Variants in TNRC6A observed in about 807,000 individuals in gnomAD.
TNRC6A encodes the protein trinucleotide repeat containing adaptor 6A.
TNRC6A carries 44 observed loss-of-function variants against 221.2 expected under a neutral mutation model. That is an observed-to-expected ratio of 0.20 (90% confidence interval 0.16 to 0.26). TNRC6A has a LOEUF of 0.26. TNRC6A is among the 10% of genes least tolerant of loss of function. The pLI, the probability that TNRC6A is intolerant of heterozygous loss-of-function variation, is 1.00. For missense variants in TNRC6A, 2,199 were observed against 2,404.4 expected (o/e 0.91, Z 1.79); for synonymous variants, 847 against 838.5 (o/e 1.01, Z -0.18).
upstream of TNRC6A, chr16:24,729,558 A>T (rs552767538): frequency 9.7e-5 from 37 of 382,844 alleles, 1 homozygote; most frequent in African/African-American, 3.2e-4. Context: ...GTTGCCAAGG[A>T]CCTGCCCAAT....
At chr16:24,755,943 T>A (rs1010345694) in intron 3 of TNRC6A, among the ~76,000 whole-genome samples, 27 of 152,204 alleles carry the variant, frequency 1.8e-4, no homozygotes, top group African/African-American at 6.0e-4. Flanking sequence ...AAAAAATCTT[T>A]CACATTTTAT....
rs746822597 is a variant in TNRC6A, at chr16:24,793,587, C to T, written c.3290C>T (p.Ala1097Val). Residue 1097 changes from alanine (A) to valine (V), a missense_variant, in exon 7 of 25, where the codon GCG (alanine) becomes GTG (valine). Ala to Val is a moderately conservative substitution (Grantham distance 64). Transcript: ENST00000395799. ...CCCAGCTGGGGGGAACCCATTGCTG[C>T]GGCATCCAGCACATCCACGTGGGGC... ...SGPSWGEPIA[A>V]ASSTSTWGSS... The T allele has an allele frequency of 6.1e-5, 96 of 1,562,954 alleles. No homozygotes were observed. The highest frequency in any genetic ancestry group is 7.8e-5 in the Non-Finnish European group (90 of 1,153,436).
chr16:24,793,688 G>GTGGC (rs1013590164), intron 7 of TNRC6A, 39 bp downstream of exon 7: 2 of 1,351,644 alleles, frequency 1.5e-6, no homozygotes, highest in African/African-American at 3.0e-5. Context: ...TTATGTAGCA[G>GTGGC]TGGCGAACAC....
chr16:24,813,000 C>T (rs918327702), intron 18 of TNRC6A, among the ~76,000 whole-genome samples: 80 of 151,228 alleles, frequency 5.3e-4, no homozygotes, highest in Non-Finnish European at 2.9e-5. Context: ...CTCAGCCTCC[C>T]GAGCAGCTGG....
intron 3 of TNRC6A, among the ~76,000 whole-genome samples, chr16:24,751,739 C>T (rs1255147656): frequency 1.3e-5 from 2 of 152,020 alleles, no homozygotes; most frequent in African/African-American, 4.8e-5. Context: ...TGGATGTAGA[C>T]TATAGCAAGA....
At chr16:24,625,906 G>T (rs1900962369) in intron 1 of TNRC6A, among the ~76,000 whole-genome samples, 1 of 152,184 alleles carries the variant, frequency 6.6e-6, no homozygotes, top group South Asian at 2.1e-4. Flanking sequence ...TGTTAAGTTT[G>T]TTTATTTTTA....
At chr16:24,643,110 A>ATATATATATATTTT (rs1406737326) in intron 2 of TNRC6A, among the ~76,000 whole-genome samples, 4 of 56,782 alleles carry the variant, frequency 7.0e-5, no homozygotes, top group Non-Finnish European at 1.4e-4. Flanking sequence ...ATATATATAA[A>ATATATATATATTTT]ATATATATAT....
chr16:24,657,536 C>A (rs1050168049), intron 2 of TNRC6A, among the ~76,000 whole-genome samples: 1 of 151,682 alleles, frequency 6.6e-6, no homozygotes, highest in African/African-American at 2.4e-5. Context: ...ATGGTGAAAC[C>A]CCGTTTCCAT....
chr16:24,729,947 G>C, intron 1 of TNRC6A, 101 bp downstream of exon 1: 1 of 1,088,090 alleles, frequency 9.2e-7, no homozygotes, highest in Non-Finnish European at 1.1e-6. Context: ...GGCGCCGGGC[G>C]TCCCCGAGAC....
intron 5 of TNRC6A, among the ~76,000 whole-genome samples, chr16:24,783,697 C>T (rs985655384): frequency 2.6e-5 from 4 of 152,164 alleles, no homozygotes; most frequent in African/African-American, 9.7e-5. Flanking sequence ...TTTTGCATTA[C>T]ACTCAGTAAA....
intron 3 of TNRC6A, among the ~76,000 whole-genome samples, chr16:24,752,288 A>T (rs2057154629): frequency 6.6e-6 from 1 of 151,992 alleles, no homozygotes; most frequent in South Asian, 2.1e-4. Flanking sequence ...GAGTGACTAC[A>T]TTTGAGAGGA....
chr16:24,717,508 C>T (rs1043051394), intron 2 of TNRC6A, among the ~76,000 whole-genome samples: 1 of 152,252 alleles, frequency 6.6e-6, no homozygotes, highest in South Asian at 2.1e-4. Flanking sequence ...CAGAAGTACC[C>T]ACTTTATCCT....
At chr16:24,730,183 C>T (rs569650467) in intron 1 of TNRC6A, 70 bp from the exon 2 acceptor site, 1 of 1,498,180 alleles carries the variant, frequency 6.7e-7, no homozygotes, top group Non-Finnish European at 8.9e-7. Flanking sequence ...GCAGCAGCTC[C>T]GTTTTCACGC....
chr16:24,762,987 T>C (rs1030217082), intron 4 of TNRC6A, among the ~76,000 whole-genome samples: 7 of 150,954 alleles, frequency 4.6e-5, no homozygotes, highest in African/African-American at 1.7e-4. Flanking sequence ...GTGTAGATTT[T>C]TTTTTTTTAA....
chr16:24,719,859 T>G (rs564351829), intron 2 of TNRC6A, among the ~76,000 whole-genome samples: 1 of 150,252 alleles, frequency 6.7e-6, no homozygotes, highest in African/African-American at 2.4e-5. Flanking sequence ...AAAAAAAAAT[T>G]TAAACAAGCG....
intron 2 of TNRC6A, among the ~76,000 whole-genome samples, chr16:24,702,163 CT>C (rs2055995518): frequency 5.6e-5 from 3 of 53,698 alleles, no homozygotes; most frequent in Non-Finnish European, 1.1e-4. Context: ...ACTCTTTTTT[CT>C]TTTCTTTTTT....
intron 2 of TNRC6A, among the ~76,000 whole-genome samples, chr16:24,680,821 A>G (rs893900016): frequency 2.0e-5 from 3 of 151,700 alleles, no homozygotes; most frequent in Admixed American, 1.3e-4. Flanking sequence ...CTGCAATGGC[A>G]CGATTTCAGC....
intron 1 of TNRC6A, among the ~76,000 whole-genome samples, chr16:24,613,437 G>A (rs1900163835): frequency 6.9e-6 from 1 of 144,790 alleles, no homozygotes; most frequent in South Asian, 2.2e-4. Context: ...AACTATTAAA[G>A]CATTTTATTT....
intron 5 of TNRC6A, among the ~76,000 whole-genome samples, chr16:24,779,758 G>A (rs1487522701): frequency 6.6e-6 from 1 of 152,212 alleles, no homozygotes; most frequent in Non-Finnish European, 1.5e-5. Context: ...ATTCTTTGTT[G>A]TGAACTACAT....
Sources: gnomAD v4.1 joint callset for allele counts (sites outside exome capture counted in the v4.1 genomes callset) on GRCh38, gnomAD v4.1.1 for gene constraint, MANE v1.5 for transcripts, NCBI Gene and HGNC (gene_info 2026-07-23, HGNC 2026-07-21) for gene names.